The following FBXL5 variants were observed in gnomAD, a reference collection of about 807,000 sequenced individuals.
FBXL5 encodes the protein F-box/LRR-repeat protein 5.
Under a neutral mutation model 78.3 loss-of-function variants are expected in FBXL5, and 26 were observed. That is an observed-to-expected ratio of 0.33 (90% CI 0.24 to 0.46). FBXL5 has a LOEUF of 0.46. Ranked by LOEUF, FBXL5 falls within the 20% of genes least tolerant of loss-of-function variation. The pLI, the probability that FBXL5 is intolerant of heterozygous loss-of-function variation, is 1.00. For missense variants in FBXL5, 710 were observed against 829.2 expected (o/e 0.86, Z 1.77); for synonymous variants, 295 against 282.5 (o/e 1.04, Z -0.45).
At chr4:15,627,014 A>T in intron 7 of FBXL5, 59 bp from the exon 8 acceptor site, 1 of 1,049,392 alleles carries the variant, frequency 9.5e-7, no homozygotes, top group Non-Finnish European at 1.4e-6. Flanking sequence ...GCTAAGTAAC[A>T]GATGACTATT....
intron 1 of FBXL5, 27 bp from the exon 2 acceptor site, chr4:15,644,735 GTAA>G (rs1380664935): frequency 1.3e-6 from 2 of 1,531,636 alleles, no homozygotes; most frequent in Non-Finnish European, 1.8e-6. Flanking sequence ...AAAGAAAAGT[GTAA>G]TAAATACGTG....
chr4:15,655,897 C>G (rs1450527347), upstream of FBXL5, among the ~76,000 whole-genome samples: 4 of 152,244 alleles, frequency 2.6e-5, no homozygotes, highest in Non-Finnish European at 4.4e-5. Flanking sequence ...GGCTCCCACC[C>G]AGCGGTTGGT....
chr4:15,656,292 T>C (rs1716939439), upstream of FBXL5: 1 of 455,954 alleles, frequency 2.2e-6, no homozygotes, highest in Non-Finnish European at 4.4e-6. Flanking sequence ...TCCTGGAGAC[T>C]CTGTTCTCTG....
intron 2 of FBXL5, among the ~76,000 whole-genome samples, chr4:15,642,696 A>G (rs1394694214): frequency 3.3e-5 from 5 of 152,176 alleles, no homozygotes; most frequent in Non-Finnish European, 5.9e-5. Flanking sequence ...CATGGCTTCC[A>G]TTCCTACTTA....
intron 1 of FBXL5, among the ~76,000 whole-genome samples, chr4:15,679,174 T>C (rs1718106475): frequency 6.6e-6 from 1 of 151,494 alleles, no homozygotes; most frequent in Non-Finnish European, 1.5e-5. Context: ...GCGATTCTCC[T>C]GCCTCAGCCT....
chr4:15,662,586 G>A (rs1717363635), upstream of FBXL5, among the ~76,000 whole-genome samples: 1 of 152,070 alleles, frequency 6.6e-6, no homozygotes, highest in African/African-American at 2.4e-5. Context: ...GAAATCACTG[G>A]TAATAAAAAA....
chr4:15,610,046 C>T (rs1722144607), intron 10 of FBXL5, among the ~76,000 whole-genome samples: 1 of 151,904 alleles, frequency 6.6e-6, no homozygotes, highest in South Asian at 2.1e-4. Context: ...TAATTTGTCA[C>T]CTAAATACAC....
upstream of FBXL5, among the ~76,000 whole-genome samples, chr4:15,658,195 C>T (rs2148756235): frequency 6.6e-6 from 1 of 152,322 alleles, no homozygotes. Context: ...CAGCACTTTC[C>T]CTAATAGGGG....
intron 1 of FBXL5, 21 bp downstream of exon 1, chr4:15,655,183 G>C (rs370880362): frequency 2.9e-6 from 4 of 1,386,068 alleles, no homozygotes; most frequent in South Asian, 2.8e-5. Flanking sequence ...GCCCACAGCG[G>C]GAGGCTCAGC....
chr4:15,661,777 G>A (rs73243107), upstream of FBXL5, among the ~76,000 whole-genome samples: 13,767 of 152,216 alleles, frequency 0.09, 789 homozygotes, highest in Non-Finnish European at 0.13. Flanking sequence ...TGGCTTATGG[G>A]GTGGTTCTAG....
At chr4:15,675,803 G>A (rs1187596445) in intron 1 of FBXL5, among the ~76,000 whole-genome samples, 1 of 151,788 alleles carries the variant, frequency 6.6e-6, no homozygotes, top group Admixed American at 6.6e-5. Context: ...AGCTGGTCTC[G>A]AACTCCTGAC....
At chr4:15,658,716 G>C (rs1441281229), upstream of FBXL5, among the ~76,000 whole-genome samples, 2 of 152,106 alleles carry the variant, frequency 1.3e-5, no homozygotes, top group Non-Finnish European at 1.5e-5. Context: ...AAATTACCCA[G>C]TTTCAGGTAT....
chr4:15,606,974 A>C (rs1721931420), intron 10 of FBXL5, among the ~76,000 whole-genome samples: 1 of 152,230 alleles, frequency 6.6e-6, no homozygotes, highest in Non-Finnish European at 1.5e-5. Flanking sequence ...AGAACACATT[A>C]ATTTCCAGAA....
At chr4:15,652,087 C>T (rs564710023) in intron 1 of FBXL5, among the ~76,000 whole-genome samples, 11 of 152,212 alleles carry the variant, frequency 7.2e-5, no homozygotes, top group East Asian at 5.8e-4. Flanking sequence ...ACAGAGTAGA[C>T]GGTAGAAACT....
rs1291177548 is a variant in FBXL5 at position 15,605,426 on chromosome 4, C to G, written c.*297G>C. The stretch of plus-strand genomic sequence containing the variant: ...AAAACTCAAAATTATCTATGAAATA[C>G]TTTAAATGACATGGCATTACCAACA... On this transcript the variant is annotated 3_prime_UTR_variant, in exon 11 of 11. Transcript: ENST00000341285. 1 of 271,520 alleles carries G rather than the reference C, an allele frequency of 3.7e-6. No homozygotes were observed. Among genetic ancestry groups the G allele is most frequent in the Admixed American group, 5.0e-5 (1 of 19,958 alleles). The allele number at this position is 271,520 out of a possible 1,614,324, so 16.8% of individuals were successfully genotyped here.
intron 3 of FBXL5, among the ~76,000 whole-genome samples, chr4:15,640,393 G>T: frequency 2.2e-5 from 2 of 91,604 alleles, no homozygotes; most frequent in South Asian, 4.1e-4. Flanking sequence ...CTACACTACT[G>T]AAAAAAAAAA....
At chr4:15,649,218 T>C (rs1324113450) in intron 1 of FBXL5, among the ~76,000 whole-genome samples, 1 of 151,090 alleles carries the variant, frequency 6.6e-6, no homozygotes, top group African/African-American at 2.4e-5. Context: ...CCCAACTCAG[T>C]TTTTCTCCAC....
At chr4:15,625,217 G>T in intron 9 of FBXL5, 35 bp downstream of exon 9, 1 of 1,531,132 alleles carries the variant, frequency 6.5e-7, no homozygotes, top group Non-Finnish European at 8.7e-7. Flanking sequence ...ATGAGAACAC[G>T]TCTATTTCTT....
chr4:15,680,997 T>A (rs537019941), intron 1 of FBXL5, among the ~76,000 whole-genome samples: 4 of 148,116 alleles, frequency 2.7e-5, no homozygotes, highest in African/African-American at 7.4e-5. Flanking sequence ...CACAAAAAAA[T>A]TTGGTTTGTG....
Sources: allele counts gnomAD v4.1 joint callset (sites outside exome capture counted in the v4.1 genomes callset), GRCh38; gene constraint gnomAD v4.1.1; transcripts MANE v1.5; gene names NCBI Gene and HGNC (gene_info 2026-07-23, HGNC 2026-07-21).